The following MLLT3 variants were observed in gnomAD, a reference collection of about 807,000 sequenced individuals.
The protein encoded by MLLT3 is protein AF-9.
In MLLT3, 4 loss-of-function variants were observed where a neutral mutation model predicts 53.2. The ratio of observed to expected loss-of-function variants is 0.08; its 90% confidence interval spans 0.04 to 0.17. The LOEUF (loss-of-function observed/expected upper bound fraction) is 0.17. Ranked by LOEUF, MLLT3 falls within the 10% of genes least tolerant of loss-of-function variation. The pLI, the probability that MLLT3 is intolerant of heterozygous loss-of-function variation, is 1.00. For synonymous variants in MLLT3, 283 were observed against 230.6 expected, an observed-to-expected ratio of 1.23 and a Z score of -2.06; for missense variants, 569 against 684.0, an observed-to-expected ratio of 0.83 and a Z score of 1.87.
chr9:20,622,235 G>C lies in MLLT3; in HGVS notation c.12+10C>G. On this transcript the variant is annotated intron_variant, in intron 1 of 10. Coordinates refer to ENST00000380338, the MANE Select transcript of MLLT3 (RefSeq NM_004529.4). Reference sequence around the variant, plus strand: ...GGAGGGCTTTTATTATTATTTTTGCGCGTACTTACCGAGCTAGCCATGCCT... The same window carrying C: ...GGAGGGCTTTTATTATTATTTTTGCCCGTACTTACCGAGCTAGCCATGCCT... 1 of 1,602,774 alleles carries C rather than the reference G, an allele frequency of 6.2e-7. No homozygotes were observed.
chr9:20,601,542 C>T, intron 2 of MLLT3, among the ~76,000 whole-genome samples: 1 of 152,114 alleles, frequency 6.6e-6, no homozygotes, highest in East Asian at 1.9e-4. Flanking sequence ...ACTCCACTAT[C>T]CCTCCTCCCC....
chr9:20,403,610 C>A (rs1822509038), intron 5 of MLLT3, among the ~76,000 whole-genome samples: 1 of 152,150 alleles, frequency 6.6e-6, no homozygotes, highest in Admixed American at 6.6e-5. Context: ...AATGTGCTAG[C>A]CCTGTCTGAT....
intron 5 of MLLT3, among the ~76,000 whole-genome samples, chr9:20,397,251 T>A (rs983238504): frequency 6.6e-6 from 1 of 152,188 alleles, no homozygotes; most frequent in Non-Finnish European, 1.5e-5. Context: ...TTAGTTTTCA[T>A]AGAAACAATT....
chr9:20,458,325 G>A (rs973310814), intron 2 of MLLT3, among the ~76,000 whole-genome samples: 4 of 152,174 alleles, frequency 2.6e-5, no homozygotes, highest in South Asian at 2.1e-4. Context: ...CAAGAAGATA[G>A]AGTGTCAAGG....
intron 2 of MLLT3, among the ~76,000 whole-genome samples, chr9:20,571,923 G>A (rs1819541985): frequency 6.6e-6 from 1 of 152,168 alleles, no homozygotes. Context: ...GCACACTGTT[G>A]GTGGGAATGT....
chr9:20,518,876 TA>T (rs996472048), intron 2 of MLLT3, among the ~76,000 whole-genome samples: 54 of 152,156 alleles, frequency 3.5e-4, no homozygotes, highest in Admixed American at 3.3e-3. Flanking sequence ...AACTCACAGA[TA>T]AAGGAGACTA....
chr9:20,464,960 C>T (rs1182140799), intron 2 of MLLT3, among the ~76,000 whole-genome samples: 2 of 151,896 alleles, frequency 1.3e-5, no homozygotes, highest in African/African-American at 4.8e-5. Context: ...GCTATAAACC[C>T]CCAAGAGCTT....
chr9:20,536,389 T>A (rs1818487116), intron 2 of MLLT3, among the ~76,000 whole-genome samples: 1 of 152,152 alleles, frequency 6.6e-6, no homozygotes, highest in African/African-American at 2.4e-5. Context: ...GAGAAAGCCT[T>A]TTCTGACTCC....
intron 6 of MLLT3, among the ~76,000 whole-genome samples, chr9:20,365,466 C>G (rs1331363767): frequency 6.6e-6 from 1 of 152,130 alleles, no homozygotes; most frequent in African/African-American, 2.4e-5. Flanking sequence ...GCCCCCCGAG[C>G]AGCTGGGACT....
At chr9:20,357,063 T>C (rs1821188177) in intron 8 of MLLT3, among the ~76,000 whole-genome samples, 1 of 152,246 alleles carries the variant, frequency 6.6e-6, no homozygotes, top group Non-Finnish European at 1.5e-5. Context: ...TTCTTATCTT[T>C]AGGGAAACAA....
chr9:20,496,874 T>G (rs1218543318), intron 2 of MLLT3, among the ~76,000 whole-genome samples: 2 of 152,224 alleles, frequency 1.3e-5, no homozygotes, highest in African/African-American at 4.8e-5. Flanking sequence ...ATAGGTACAC[T>G]GAGGCACAGC....
chr9:20,516,241 C>G (rs190014929), intron 2 of MLLT3, among the ~76,000 whole-genome samples: 1 of 152,192 alleles, frequency 6.6e-6, no homozygotes, highest in Non-Finnish European at 1.5e-5. Flanking sequence ...TTACACTAAA[C>G]GGCTCTCTGG....
Position 20,577,695 on chromosome 9 carries a change from G to A in MLLT3, c.193+42959C>T, listed in dbSNP as rs191405277. Among the ~76,000 whole-genome samples, 722 of 152,288 alleles carry A rather than the reference G, an allele frequency of 4.7e-3. 4 individuals are homozygous for A. Among genetic ancestry groups the A allele is most frequent in the Admixed American group, 8.0e-3 (122 of 15,298 alleles). ...ACAGCCATGACAGATTCGAAAGGTA[G>A]AAATAAGCACTGTGGGGTGGGGCTG... On this transcript the variant is annotated intron_variant, in intron 2 of 10. Transcript: ENST00000380338.
At chr9:20,613,196 T>C (rs1424622578) in intron 2 of MLLT3, among the ~76,000 whole-genome samples, 1 of 152,154 alleles carries the variant, frequency 6.6e-6, no homozygotes, top group African/African-American at 2.4e-5. Flanking sequence ...CATAAAAATA[T>C]TCTGGTATTA....
chr9:20,532,243 C>A (rs1249373677), intron 2 of MLLT3, among the ~76,000 whole-genome samples: 3 of 151,654 alleles, frequency 2.0e-5, no homozygotes, highest in Admixed American at 6.6e-5. Context: ...CAAACATTCA[C>A]CAGCAATACT....
chr9:20,417,202 T>A (rs569216009), intron 4 of MLLT3, among the ~76,000 whole-genome samples: 9 of 144,008 alleles, frequency 6.2e-5, no homozygotes, highest in African/African-American at 1.8e-4. Context: ...TATTATATAT[T>A]ATATATATAT....
At chr9:20,479,699 T>C (rs550256382) in intron 2 of MLLT3, among the ~76,000 whole-genome samples, 1 of 152,350 alleles carries the variant, frequency 6.6e-6, no homozygotes, top group East Asian at 1.9e-4. Context: ...CTTTCCTTCC[T>C]GGGATGCTGT....
intron 4 of MLLT3, among the ~76,000 whole-genome samples, chr9:20,423,432 A>G (rs1823064934): frequency 6.6e-6 from 1 of 152,110 alleles, no homozygotes; most frequent in Non-Finnish European, 1.5e-5. Context: ...ATTTTTTGGC[A>G]GGTGATTAAA....
At chr9:20,514,338 G>A (rs1270114146) in intron 2 of MLLT3, among the ~76,000 whole-genome samples, 3 of 152,070 alleles carry the variant, frequency 2.0e-5, no homozygotes, top group South Asian at 2.1e-4. Context: ...GAGGTCCTGG[G>A]TTGGGTGATA....
Sources: allele counts gnomAD v4.1 joint callset (sites outside exome capture counted in the v4.1 genomes callset), GRCh38; gene constraint gnomAD v4.1.1; transcripts MANE v1.5; gene names NCBI Gene and HGNC (gene_info 2026-07-23, HGNC 2026-07-21).